Variants in CADM1 observed in about 807,000 individuals in gnomAD.
The protein encoded by CADM1 is TSLC-1.
A neutral mutation model predicts 53.1 loss-of-function variants in CADM1; 15 were observed. The observed-to-expected ratio is 0.28, with a 90% CI of 0.19 to 0.44. The LOEUF (loss-of-function observed/expected upper bound fraction) is 0.44. Among genes scored for constraint, CADM1 ranks in the 20% least tolerant of loss-of-function variants. The pLI is 1.00. For synonymous variants in CADM1, 281 were observed against 243.0 expected (o/e 1.16, Z -1.45); for missense variants, 434 against 611.3 (o/e 0.71, Z 3.06).
chr11:115,248,188 C>G (rs963992687), intron 1 of CADM1, among the ~76,000 whole-genome samples: 1 of 152,202 alleles, frequency 6.6e-6, no homozygotes, highest in Non-Finnish European at 1.5e-5. Flanking sequence ...CTTCTATTTA[C>G]ATACAGGATG....
chr11:115,335,172 A>C (rs186270887), intron 1 of CADM1, among the ~76,000 whole-genome samples: 5 of 152,284 alleles, frequency 3.3e-5, no homozygotes, highest in Non-Finnish European at 7.4e-5. Context: ...GTGGTTCTCA[A>C]AGTTCATAAT....
At chr11:115,395,555 G>A (rs570864364) in intron 1 of CADM1, among the ~76,000 whole-genome samples, 1 of 152,272 alleles carries the variant, frequency 6.6e-6, no homozygotes, top group East Asian at 1.9e-4. Context: ...GGGTGAGAGA[G>A]CAGAAGACAG....
chr11:115,228,508 G>GA, intron 5 of CADM1, among the ~76,000 whole-genome samples: 1 of 152,148 alleles, frequency 6.6e-6, no homozygotes, highest in Non-Finnish European at 1.5e-5. Flanking sequence ...GCTTTGTGCA[G>GA]AAAAAGACTT....
At chr11:115,206,170 G>C (rs556725003) in intron 8 of CADM1, among the ~76,000 whole-genome samples, 103 of 152,246 alleles carry the variant, frequency 6.8e-4, no homozygotes, top group Non-Finnish European at 1.3e-3. Context: ...AGGCTGTATG[G>C]GTACGGTTTC....
At chr11:115,405,798 A>G (rs1565410923) in intron 1 of CADM1, among the ~76,000 whole-genome samples, 2 of 152,172 alleles carry the variant, frequency 1.3e-5, no homozygotes, top group Admixed American at 1.3e-4. Flanking sequence ...CCCTACAGAC[A>G]AACATGTTCG....
chr11:115,283,720 C>T (rs981151376), intron 1 of CADM1, among the ~76,000 whole-genome samples: 3 of 152,232 alleles, frequency 2.0e-5, no homozygotes, highest in Non-Finnish European at 4.4e-5. Context: ...ACTAAAGCCA[C>T]GCCAGACATT....
intron 1 of CADM1, among the ~76,000 whole-genome samples, chr11:115,327,252 A>G (rs1258179300): frequency 6.6e-6 from 1 of 152,120 alleles, no homozygotes; most frequent in Non-Finnish European, 1.5e-5. Flanking sequence ...GGTAATAAGC[A>G]AATGAAAGGC....
chr11:115,294,287 C>G (rs1010169309), intron 1 of CADM1, among the ~76,000 whole-genome samples: 1 of 152,180 alleles, frequency 6.6e-6, no homozygotes, highest in Middle Eastern at 3.2e-3. Flanking sequence ...GAAACACAGC[C>G]TGTTCTCCAG....
At chr11:115,380,143 T>C (rs1202040281) in intron 1 of CADM1, among the ~76,000 whole-genome samples, 3 of 152,198 alleles carry the variant, frequency 2.0e-5, no homozygotes, top group African/African-American at 7.2e-5. Flanking sequence ...AGTTCCTCTA[T>C]TTCCTTATTT....
chr11:115,341,072 C>T (rs772208426), intron 1 of CADM1, among the ~76,000 whole-genome samples: 10 of 152,140 alleles, frequency 6.6e-5, no homozygotes, highest in African/African-American at 1.2e-4. Flanking sequence ...CTGATGACAT[C>T]GTCGCATTCT....
intron 1 of CADM1, among the ~76,000 whole-genome samples, chr11:115,339,614 G>T (rs931746075): frequency 2.0e-5 from 3 of 152,064 alleles, no homozygotes; most frequent in Non-Finnish European, 1.5e-5. Flanking sequence ...TACTTATGCA[G>T]AGTTTAGTTT....
chr11:115,249,872 A>G (rs1018328079), intron 1 of CADM1, among the ~76,000 whole-genome samples: 2 of 152,206 alleles, frequency 1.3e-5, no homozygotes, highest in African/African-American at 2.4e-5. Flanking sequence ...AGTCGTAAGT[A>G]TATCAGAGAT....
chr11:115,386,334 C>T (rs1237750864), intron 1 of CADM1, among the ~76,000 whole-genome samples: 1 of 152,102 alleles, frequency 6.6e-6, no homozygotes, highest in Non-Finnish European at 1.5e-5. Flanking sequence ...ATATGTCAGC[C>T]TTTATATTAA....
chr11:115,231,567 T>C, intron 3 of CADM1, 77 bp from the exon 4 acceptor site: 4 of 1,326,860 alleles, frequency 3.0e-6, no homozygotes, highest in Admixed American at 3.4e-5. Context: ...AGAAAAACAG[T>C]AGACATTCCT....
In CADM1 at chr11:115,217,927, C is replaced by T. The variant is rs113893105; in HGVS notation, c.786G>A (p.Ala262=). Reference sequence around the variant, plus strand: ...CGATGGCTTCACATGTTAACTCAAGCGCGTCCCCTTCCCGGGTTAAGCCTT... The same window carrying T: ...CGATGGCTTCACATGTTAACTCAAGTGCGTCCCCTTCCCGGGTTAAGCCTT... The part of the protein sequence containing the change: ...PLQGLTREGD[A]LELTCEAIGK... Residue 262 remains alanine, a synonymous_variant, in exon 6 of 12, where the codon GCG becomes GCA. Transcript: ENST00000331581. The T allele has an allele frequency of 0.011, 17,208 of 1,613,506 alleles. 138 individuals carry two copies. The highest frequency in any genetic ancestry group is 0.021 in the Middle Eastern group (126 of 6,054).
At chr11:115,329,040 T>G (rs1407925949) in intron 1 of CADM1, among the ~76,000 whole-genome samples, 4 of 151,962 alleles carry the variant, frequency 2.6e-5, no homozygotes, top group African/African-American at 9.7e-5. Context: ...AAATAAATTT[T>G]ATTAAACTTT....
intron 8 of CADM1, among the ~76,000 whole-genome samples, chr11:115,202,515 T>C (rs1219045710): frequency 1.3e-5 from 2 of 152,122 alleles, no homozygotes; most frequent in African/African-American, 4.8e-5. Flanking sequence ...TGTGTTTGAG[T>C]AAGGTGTACA....
intron 7 of CADM1, among the ~76,000 whole-genome samples, chr11:115,214,181 A>T (rs1423114719): frequency 1.3e-5 from 2 of 152,244 alleles, no homozygotes; most frequent in Non-Finnish European, 1.5e-5. Context: ...TTTGGAATTA[A>T]TAGCTTCATG....
At chr11:115,209,717 A>C in intron 7 of CADM1, 60 bp from the exon 8 acceptor site, 1 of 1,596,984 alleles carries the variant, frequency 6.3e-7, no homozygotes, top group Non-Finnish European at 8.5e-7. Context: ...ATGACCAGTA[A>C]TGACAAAACA....
Sources: gnomAD v4.1 joint callset for allele counts (sites outside exome capture counted in the v4.1 genomes callset) on GRCh38, gnomAD v4.1.1 for gene constraint, MANE v1.5 for transcripts, NCBI Gene and HGNC (gene_info 2026-07-23, HGNC 2026-07-21) for gene names.